IP6K1: variants seen among roughly 807,000 people sequenced by gnomAD.
IP6K1 encodes the protein ATP:1D-myo-inositol-hexakisphosphate phosphotransferase.
A neutral mutation model predicts 38.3 loss-of-function variants in IP6K1; 13 were observed. The ratio of observed to expected loss-of-function variants is 0.34; its 90% CI spans 0.22 to 0.54. IP6K1 has a LOEUF of 0.54. Among genes scored for constraint, IP6K1 ranks in the 20% least tolerant of loss-of-function variants. The pLI, the probability that IP6K1 is intolerant of heterozygous loss-of-function variation, is 0.92. For missense variants in IP6K1, 397 were observed against 599.8 expected (o/e 0.66, Z 3.53); for synonymous variants, 212 against 229.9 (o/e 0.92, Z 0.70).
intron 1 of IP6K1, among the ~76,000 whole-genome samples, chr3:49,779,934 T>C (rs1482692039): frequency 6.6e-6 from 1 of 152,106 alleles, no homozygotes; most frequent in African/African-American, 2.4e-5. Flanking sequence ...GCAATTTGCC[T>C]GCTTCAACCT....
intron 2 of IP6K1, among the ~76,000 whole-genome samples, chr3:49,746,748 G>A (rs2080724622): frequency 6.6e-6 from 1 of 150,676 alleles, no homozygotes; most frequent in South Asian, 2.1e-4. Context: ...TACACACTAT[G>A]ACATGAACGA....
In IP6K1 at chr3:49,773,980, A is replaced by AACACAC. The variant is rs10575617; in HGVS notation, c.-129+12368_-129+12373dup. Among the ~76,000 whole-genome samples, 994 of 142,238 alleles carry AACACAC rather than the reference A, an allele frequency of 7.0e-3. 15 individuals carry two copies. Among genetic ancestry groups the AACACAC allele is most frequent in the African/African-American group, 0.021 (803 of 38,758 alleles). 93.3% of individuals were successfully genotyped at this position (142,238 alleles called of 152,430 possible). On this transcript the variant is annotated intron_variant, in intron 1 of 5. Transcript: ENST00000321599. ...GTAACATTAGCAAGACTCTCTCTAA[A>AACACAC]ACACACACACACACACACACACACA...
chr3:49,742,318 G>A (rs957532292), intron 2 of IP6K1, among the ~76,000 whole-genome samples: 5 of 152,204 alleles, frequency 3.3e-5, no homozygotes, highest in African/African-American at 9.6e-5. Context: ...GGGAGGCTGA[G>A]GGGGGCGGAT....
chr3:49,728,549 A>G (rs897930103), intron 4 of IP6K1, among the ~76,000 whole-genome samples: 5 of 152,020 alleles, frequency 3.3e-5, no homozygotes, highest in African/African-American at 1.2e-4. Context: ...ACAACCATCT[A>G]TCTCTACTCA....
At chr3:49,775,659 C>A in intron 1 of IP6K1, 1 of 626,044 alleles carries the variant, frequency 1.6e-6, no homozygotes, top group Non-Finnish European at 2.5e-6. Context: ...GCTGCTGCAG[C>A]GGCTAGAAAA....
At chr3:49,767,754 G>A (rs1398955876) in intron 1 of IP6K1, among the ~76,000 whole-genome samples, 3 of 151,926 alleles carry the variant, frequency 2.0e-5, no homozygotes, top group Non-Finnish European at 2.9e-5. Context: ...CTAAAAAACC[G>A]ATTAATTAAT....
chr3:49,758,754 G>C (rs1190385039), intron 1 of IP6K1: 1 of 152,198 alleles, frequency 6.6e-6, no homozygotes, highest in Non-Finnish European at 1.5e-5. Context: ...CTGAGGTCAG[G>C]AGTTTGAGAT....
At chr3:49,775,540 A>T in intron 1 of IP6K1, 1 of 1,037,622 alleles carries the variant, frequency 9.6e-7, no homozygotes, top group South Asian at 1.6e-5. Context: ...GGCTGCCCAA[A>T]GATTGTCAAT....
chr3:49,775,529 T>A, intron 1 of IP6K1: 1 of 1,032,608 alleles, frequency 9.7e-7, no homozygotes, highest in South Asian at 1.6e-5. Flanking sequence ...AGGATAGAGA[T>A]GGCTGCCCAA....
intron 2 of IP6K1, among the ~76,000 whole-genome samples, chr3:49,747,413 C>T (rs921213611): frequency 6.6e-6 from 1 of 152,160 alleles, no homozygotes. Flanking sequence ...TTCTTTGCCC[C>T]AGCACATATA....
At position 49,747,829 on chromosome 3, in the gene IP6K1, G is replaced by A; in HGVS notation, c.212C>T (p.Pro71Leu). 6.2e-7 allele frequency: 1 copy of A among 1,614,118 alleles called. No homozygotes were observed. Among genetic ancestry groups the A allele is most frequent in the Non-Finnish European group, 8.5e-7 (1 of 1,179,982 alleles). Residue 71 changes from proline (P) to leucine (L), a missense_variant, in exon 2 of 6, where the codon CCT (proline) becomes CTT (leucine). By Grantham distance (98) the Pro-to-Leu change is moderately conservative. Around this residue, in one of 3 missense-constraint regions of IP6K1, gnomAD observed 171 missense variants for 237.0 expected, o/e 0.72. Coordinates refer to ENST00000321599, the MANE Select transcript of IP6K1 (RefSeq NM_153273.4). ...GGCCAGTGACTGACCTTTGTATTCA[G>A]GGGTGAACTCCTTCATTTCGGGAGG... Reference protein sequence around the residue: ...SLPPEMKEFTPEYKGVVSVCF... With the variant: ...SLPPEMKEFTLEYKGVVSVCF...
chr3:49,748,155 CTTA>C lies in IP6K1; in HGVS notation c.-118_-116del. ...AAGCCAATGGTCAGATTCTATTCAGCTTATTATTCTGTCCTACAGAAAAGAAGA... is the reference window on the plus strand; with the variant it reads ...AAGCCAATGGTCAGATTCTATTCAGCTTATTCTGTCCTACAGAAAAGAAGA... On this transcript the variant is annotated 5_prime_UTR_variant, in exon 2 of 6. Transcript: ENST00000321599. The C allele has an allele frequency of 9.7e-7, 1 of 1,026,756 alleles. No homozygotes were observed. The highest frequency in any genetic ancestry group is 1.5e-6 in the Non-Finnish European group (1 of 682,584). 63.6% of individuals were successfully genotyped at this position (1,026,756 alleles called of 1,614,324 possible).
chr3:49,750,073 T>C (rs551273446), intron 1 of IP6K1, among the ~76,000 whole-genome samples: 12 of 152,258 alleles, frequency 7.9e-5, no homozygotes, highest in Middle Eastern at 6.8e-3. Flanking sequence ...CACCAAACCA[T>C]TGTCTCTTAT....
chr3:49,770,760 A>AT (rs1278962517), intron 1 of IP6K1, among the ~76,000 whole-genome samples: 1 of 152,238 alleles, frequency 6.6e-6, no homozygotes, highest in Non-Finnish European at 1.5e-5. Flanking sequence ...ACAGAAAGCA[A>AT]TAACCATAAC....
chr3:49,773,077 A>G (rs1453572649), intron 1 of IP6K1, among the ~76,000 whole-genome samples: 2 of 152,108 alleles, frequency 1.3e-5, no homozygotes, highest in African/African-American at 4.8e-5. Flanking sequence ...CTCCTGCCTC[A>G]GCCTCTCAAA....
chr3:49,757,763 CA>C (rs2080836818), intron 1 of IP6K1, among the ~76,000 whole-genome samples: 3 of 152,034 alleles, frequency 2.0e-5, no homozygotes, highest in Admixed American at 2.0e-4. Flanking sequence ...CTCTCCATTT[CA>C]GAACACAAAT....
intron 1 of IP6K1, among the ~76,000 whole-genome samples, chr3:49,784,161 A>G (rs189283022): frequency 6.6e-6 from 1 of 151,978 alleles, no homozygotes; most frequent in Admixed American, 6.6e-5. Context: ...ACGCCCAGCT[A>G]ATTTTTGTAT....
intron 3 of IP6K1, among the ~76,000 whole-genome samples, chr3:49,735,620 C>G (rs962085804): frequency 1.3e-5 from 2 of 152,168 alleles, no homozygotes; most frequent in Non-Finnish European, 2.9e-5. Context: ...AAGCTCTCTC[C>G]TTGCATGAAA....
rs2080516286 is a variant in IP6K1, at chr3:49,727,317, G to A, written c.1131C>T (p.Ser377=). Residue 377 remains serine, a synonymous_variant, in exon 6 of 6, where the codon AGC becomes AGT. Coordinates refer to ENST00000321599, the MANE Select transcript of IP6K1 (RefSeq NM_153273.4). The surrounding 1 kb of genome is among the most constrained non-coding windows in gnomAD (Gnocchi z 5.9). ...EVASSCGPST[S]PSNTSPEAGP... Reference sequence around the variant, plus strand: ...CCGCCTCGGGGCTGGTGTTGCTGGGGCTGGTGCTGGGGCCACAGGATGACG... The same window carrying A: ...CCGCCTCGGGGCTGGTGTTGCTGGGACTGGTGCTGGGGCCACAGGATGACG... 2 of 1,614,152 alleles carry A rather than the reference G, an allele frequency of 1.2e-6. No homozygotes were observed. The highest frequency in any genetic ancestry group is 1.1e-5 in the South Asian group (1 of 91,088).
Sources: gnomAD v4.1 joint callset for allele counts (sites outside exome capture counted in the v4.1 genomes callset) on GRCh38, gnomAD v4.1.1 for gene constraint, gnomAD v4.1.1 regional missense constraint, Gnocchi (gnomAD v3.1) non-coding constraint, MANE v1.5 for transcripts, NCBI Gene and HGNC (gene_info 2026-07-23, HGNC 2026-07-21) for gene names.